FBXO15: variants seen among roughly 807,000 people sequenced by gnomAD.
The protein encoded by FBXO15 is F-box protein 15.
In FBXO15, 30 loss-of-function variants were observed where a neutral mutation model predicts 49.5. The ratio of observed to expected loss-of-function variants is 0.61; its 90% CI spans 0.45 to 0.82. FBXO15 has a LOEUF of 0.82. Ranked by LOEUF, FBXO15 falls within the 40% of genes least tolerant of loss-of-function variation. The pLI, the probability that FBXO15 is intolerant of heterozygous loss-of-function variation, is 0.00. For missense variants in FBXO15, 591 were observed against 631.5 expected, an observed-to-expected ratio of 0.94 and a Z score of 0.69; for synonymous variants, 250 against 232.7, an observed-to-expected ratio of 1.07 and a Z score of -0.68.
intron 8 of FBXO15, among the ~76,000 whole-genome samples, chr18:74,087,131 C>G (rs1450767121): frequency 6.6e-6 from 1 of 152,224 alleles, no homozygotes; most frequent in East Asian, 1.9e-4. Flanking sequence ...TAATGACCAT[C>G]TGAGCCTTCC....
At chr18:74,081,644 T>C (rs1954712711) in intron 9 of FBXO15, among the ~76,000 whole-genome samples, 1 of 152,200 alleles carries the variant, frequency 6.6e-6, no homozygotes, top group South Asian at 2.1e-4. Flanking sequence ...AGTAGGGGAC[T>C]GTGATCAACA....
intron 4 of FBXO15, among the ~76,000 whole-genome samples, chr18:74,130,077 ATTCT>A (rs1978319917): frequency 6.6e-6 from 1 of 152,194 alleles, no homozygotes; most frequent in African/African-American, 2.4e-5. Flanking sequence ...CTCCTCCCGT[ATTCT>A]TTAAATCATC....
At chr18:74,135,922 G>T in intron 2 of FBXO15, 56 bp from the exon 3 acceptor site, 1 of 1,417,408 alleles carries the variant, frequency 7.1e-7, no homozygotes, top group Admixed American at 2.0e-5. Context: ...GGCTTAATCT[G>T]CAGATTACCC....
chr18:74,144,774 C>T (rs1292275382), intron 1 of FBXO15, among the ~76,000 whole-genome samples: 5 of 152,158 alleles, frequency 3.3e-5, no homozygotes, highest in African/African-American at 7.2e-5. Context: ...GTGTTCCCCA[C>T]CCACTACAAC....
intron 8 of FBXO15, among the ~76,000 whole-genome samples, chr18:74,109,542 T>C (rs745589544): frequency 5.3e-5 from 8 of 152,152 alleles, no homozygotes; most frequent in Non-Finnish European, 1.2e-4. Flanking sequence ...ACGTTTATTG[T>C]GGCACTATTC....
At chr18:74,084,144 T>C (rs1262437033) in intron 8 of FBXO15, among the ~76,000 whole-genome samples, 1 of 152,218 alleles carries the variant, frequency 6.6e-6, no homozygotes, top group African/African-American at 2.4e-5. Flanking sequence ...TAATGCAGAT[T>C]CAGATTCTCA....
intron 9 of FBXO15, among the ~76,000 whole-genome samples, chr18:74,079,302 G>A (rs997964540): frequency 1.3e-5 from 2 of 152,206 alleles, no homozygotes; most frequent in African/African-American, 2.4e-5. Context: ...ACTGCAGCAA[G>A]GTTACCTTGA....
chr18:74,139,416 C>G (rs1568182844), intron 2 of FBXO15, among the ~76,000 whole-genome samples: 1 of 152,162 alleles, frequency 6.6e-6, no homozygotes, highest in Non-Finnish European at 1.5e-5. Flanking sequence ...ACAGCCTATT[C>G]CCAGAGCATA....
rs538017378 is a variant in FBXO15, at chr18:74,136,011, ATCTTC to A, written c.228-150_228-146del. On this transcript the variant is annotated intron_variant, in intron 2 of 9. Coordinates refer to ENST00000419743, the MANE Select transcript of FBXO15 (RefSeq NM_001142958.2). ...TGTACAAGAGGCAAACTGTACCCTCATCTTCAATTACTTTCTTTATTGAAACGTTC... is the reference window on the plus strand; with the variant it reads ...TGTACAAGAGGCAAACTGTACCCTCAAATTACTTTCTTTATTGAAACGTTC... 6.1e-4 allele frequency: 358 copies of A among 588,388 alleles called. 2 individuals are homozygous for A. In the East Asian group the frequency reaches 7.5e-3, roughly 12 times the overall value. The allele number at this position is 588,388 out of a possible 1,614,324, so 36.4% of individuals were successfully genotyped here.
intron 3 of FBXO15, among the ~76,000 whole-genome samples, chr18:74,133,551 G>A (rs966834895): frequency 6.6e-5 from 10 of 152,184 alleles, no homozygotes; most frequent in African/African-American, 2.2e-4. Context: ...TTCTTTTAGT[G>A]ACCACCTTCA....
chr18:74,097,679 TG>T (rs1913339273), intron 8 of FBXO15: 1 of 152,268 alleles, frequency 6.6e-6, no homozygotes, highest in African/African-American at 2.4e-5. Flanking sequence ...CTGCCCACCC[TG>T]GTAGCTGAAG....
At chr18:74,103,053 A>G (rs1192965516) in intron 8 of FBXO15, among the ~76,000 whole-genome samples, 14 of 152,100 alleles carry the variant, frequency 9.2e-5, no homozygotes, top group Non-Finnish European at 4.4e-5. Context: ...TCACCACTAA[A>G]TAACTTACTC....
Position 74,129,442 on chromosome 18 carries a change from C to A in FBXO15, c.748G>T (p.Val250Phe). The A allele has an allele frequency of 6.2e-7, 1 of 1,613,964 alleles. No individual in the cohort carries two copies. Among genetic ancestry groups the A allele is most frequent in the South Asian group, 1.1e-5 (1 of 91,064 alleles). The change falls in exon 5 of 10, where the codon GTT (valine) becomes TTT (phenylalanine). Residue 250 changes from valine to phenylalanine, a missense_variant. Transcript: ENST00000419743. The stretch of plus-strand genomic sequence containing the variant: ...GGAGTTTTATACCAGTCGGTAAAAA[C>A]TGGTGTCATGCCACATAAATCTAAG... ...STLDLCGMTP[V>F]FTDWYKTPTK...
intron 3 of FBXO15, among the ~76,000 whole-genome samples, chr18:74,135,174 C>A (rs1978639645): frequency 6.6e-6 from 1 of 152,116 alleles, no homozygotes; most frequent in Non-Finnish European, 1.5e-5. Flanking sequence ...CCTGCAAGAC[C>A]AGATGACCAC....
intron 2 of FBXO15, among the ~76,000 whole-genome samples, chr18:74,139,362 C>T (rs1199366356): frequency 6.6e-6 from 1 of 152,168 alleles, no homozygotes; most frequent in Admixed American, 6.5e-5. Flanking sequence ...GATGGACTAA[C>T]CAAAGGAATA....
chr18:74,102,802 G>T (rs1913581413), intron 8 of FBXO15, among the ~76,000 whole-genome samples: 1 of 152,164 alleles, frequency 6.6e-6, no homozygotes, highest in Non-Finnish European at 1.5e-5. Context: ...AATGGCATTT[G>T]CAGCAACCTG....
At chr18:74,076,918 T>C (rs1277385731) in intron 9 of FBXO15, among the ~76,000 whole-genome samples, 1 of 152,170 alleles carries the variant, frequency 6.6e-6, no homozygotes, top group African/African-American at 2.4e-5. Context: ...TGCTGAGAGA[T>C]CCTCTTCCCA....
At chr18:74,147,194 C>G (rs1979482564) in intron 1 of FBXO15, 1 of 152,388 alleles carries the variant, frequency 6.6e-6, no homozygotes, top group African/African-American at 2.4e-5. Context: ...CCAGACCAAC[C>G]TGCCTGCCCG....
At chr18:74,096,159 A>G (rs1309829055) in intron 8 of FBXO15, among the ~76,000 whole-genome samples, 1 of 152,196 alleles carries the variant, frequency 6.6e-6, no homozygotes, top group Non-Finnish European at 1.5e-5. Flanking sequence ...AGCCATGGGA[A>G]GTACTGAGCG....
Sources: allele counts gnomAD v4.1 joint callset (sites outside exome capture counted in the v4.1 genomes callset), GRCh38; gene constraint gnomAD v4.1.1; transcripts MANE v1.5; gene names NCBI Gene and HGNC (gene_info 2026-07-23, HGNC 2026-07-21).